Variants in NFYA observed in about 807,000 individuals in gnomAD.
NFYA encodes the protein nuclear transcription factor Y subunit alpha.
NFYA carries 28 observed loss-of-function variants against 52.8 expected under a neutral mutation model. That is an observed-to-expected ratio of 0.53 (90% CI 0.39 to 0.73). The LOEUF (loss-of-function observed/expected upper bound fraction) is 0.73. Among genes scored for constraint, NFYA ranks in the 30% least tolerant of loss-of-function variants. NFYA has a pLI of 0.00. For synonymous variants in NFYA, 150 were observed against 150.7 expected (o/e 1.00, Z 0.03); for missense variants, 234 against 427.0 (o/e 0.55, Z 3.98).
intron 3 of NFYA, among the ~76,000 whole-genome samples, chr6:41,083,483 G>GTA (rs59501357): frequency 0.032 from 4,941 of 152,216 alleles, 201 homozygotes; most frequent in East Asian, 0.11. Flanking sequence ...CAGGATAAAG[G>GTA]TATACATTTG....
intron 1 of NFYA, chr6:41,075,389 A>G (rs1037679982): frequency 2.6e-5 from 4 of 152,352 alleles, no homozygotes; most frequent in Non-Finnish European, 5.9e-5. Context: ...AAAAATAGGT[A>G]TGTTCTGGTC....
chr6:41,090,267 G>T lies in NFYA; in HGVS notation c.505G>T (p.Val169Phe). The change falls in exon 6 of 10, where the codon GTC (valine) becomes TTC (phenylalanine). Residue 169 changes from valine (V) to phenylalanine (F), a missense_variant. By Grantham distance (50) the Val-to-Phe change is conservative. Transcript: ENST00000341376. ...ACAGACTGCTGAAGGGCAGACCATC[G>T]TCTATCAACCAGTTAATGCAGATGG... is the stretch of plus-strand genomic sequence containing the variant. The part of the protein sequence containing the change: ...VAQTAEGQTI[V>F]YQPVNADGTI... 6.2e-7 allele frequency: 1 copy of T among 1,613,926 alleles called. No individual in the cohort carries two copies. The highest frequency in any genetic ancestry group is 8.5e-7 in the Non-Finnish European group (1 of 1,179,884).
At chr6:41,080,217 G>A (rs939635533) in intron 2 of NFYA, among the ~76,000 whole-genome samples, 3 of 152,090 alleles carry the variant, frequency 2.0e-5, no homozygotes, top group African/African-American at 4.8e-5. Context: ...TGGAGGCTGA[G>A]ACAGGAAGGT....
intron 5 of NFYA, 61 bp from the exon 6 acceptor site, chr6:41,090,143 C>A: frequency 2.6e-6 from 3 of 1,150,788 alleles, no homozygotes; most frequent in South Asian, 1.3e-5. Flanking sequence ...TTAAGGACTA[C>A]ATCGTTCTTT....
In NFYA at chr6:41,101,310, G is replaced by A. The variant is rs752549164; in HGVS notation, c.*3900G>A. On this transcript the variant is annotated 3_prime_UTR_variant, in exon 10 of 10. Coordinates refer to ENST00000341376, the MANE Select transcript of NFYA (RefSeq NM_002505.5). ...GCGAGCTAAGGCACAGTTTAACTTC[G>A]TGCTGCGGCTTCCTTAGGAAACTTT... is the stretch of plus-strand genomic sequence containing the variant. 6.6e-6 allele frequency: 1 copy of A among 152,242 alleles called. No homozygotes were observed. Among genetic ancestry groups the A allele is most frequent in the Non-Finnish European group, 1.5e-5 (1 of 68,064 alleles). The allele number at this position is 152,242 out of a possible 1,614,324, so 9.4% of individuals were successfully genotyped here.
Position 41,100,434 on chromosome 6 carries a change from C to T in NFYA, c.*3024C>T, listed in dbSNP as rs1764467934. Among the ~76,000 whole-genome samples, 1 of 152,160 alleles carries T rather than the reference C, an allele frequency of 6.6e-6. No homozygotes were observed. The highest frequency in any genetic ancestry group is 1.5e-5 in the Non-Finnish European group (1 of 68,032). On this transcript the variant is annotated 3_prime_UTR_variant, in exon 10 of 10. Transcript: ENST00000341376. ...CCTTGTTACTGTTTTACCTTACGGT[C>T]GCTGGGAATCTAAGCAACAAAGACT...
chr6:41,089,365 G>A (rs1369882137), intron 4 of NFYA, among the ~76,000 whole-genome samples: 1 of 152,142 alleles, frequency 6.6e-6, no homozygotes, highest in Non-Finnish European at 1.5e-5. Context: ...ACATTGATTT[G>A]TTAATATCAG....
chr6:41,096,632 T>G (rs973450246), intron 9 of NFYA, among the ~76,000 whole-genome samples: 1 of 152,230 alleles, frequency 6.6e-6, no homozygotes, highest in Non-Finnish European at 1.5e-5. Flanking sequence ...CTTTCAGCTT[T>G]TTCTCAGATC....
intron 2 of NFYA, among the ~76,000 whole-genome samples, chr6:41,079,705 A>C (rs1298705812): frequency 6.6e-6 from 1 of 152,182 alleles, no homozygotes; most frequent in Non-Finnish European, 1.5e-5. Context: ...GAATTTATAC[A>C]CAGGTTACAT....
intron 7 of NFYA, 149 bp downstream of exon 7, chr6:41,091,843 A>C: frequency 1.2e-6 from 1 of 866,044 alleles, no homozygotes; most frequent in Non-Finnish European, 1.7e-6. Flanking sequence ...ACATTATGAC[A>C]AACCATAATT....
At chr6:41,075,308 C>A (rs1036847838) in intron 1 of NFYA, 3 of 152,234 alleles carry the variant, frequency 2.0e-5, no homozygotes, top group South Asian at 2.1e-4. Context: ...TCTTGTTCTC[C>A]CAAAACGTTG....
At chr6:41,093,668 A>G (rs1457711286) in intron 8 of NFYA, among the ~76,000 whole-genome samples, 2 of 152,122 alleles carry the variant, frequency 1.3e-5, no homozygotes, top group South Asian at 2.1e-4. Flanking sequence ...ACGGGGTTTC[A>G]CCATGTTGGC....
rs1466633750 is a variant in NFYA at position 41,098,421 on chromosome 6, CAT to C, written c.*1013_*1014del. 1 of 152,112 alleles carries C rather than the reference CAT, an allele frequency of 6.6e-6. No individual in the cohort carries two copies. The highest frequency in any genetic ancestry group is 1.5e-5 in the Non-Finnish European group (1 of 68,048). 9.4% of individuals were successfully genotyped at this position (152,112 alleles called of 1,614,324 possible). On this transcript the variant is annotated 3_prime_UTR_variant, in exon 10 of 10. Coordinates refer to ENST00000341376, the MANE Select transcript of NFYA (RefSeq NM_002505.5). ...GAGAGCATGTATACCCGTATGTTAT[CAT>C]AGAGCACGATTCTCCAGTGGATGGA...
At chr6:41,077,176 G>T (rs1489065198) in intron 1 of NFYA, among the ~76,000 whole-genome samples, 2 of 152,124 alleles carry the variant, frequency 1.3e-5, no homozygotes, top group African/African-American at 4.8e-5. Flanking sequence ...TTGGGGAGGC[G>T]TTGAAACCTA....
In NFYA at chr6:41,084,118, G is replaced by T; in HGVS notation, c.235G>T (p.Val79Phe). The T allele has an allele frequency of 6.2e-7, 1 of 1,614,142 alleles. No individual in the cohort carries two copies. The highest frequency in any genetic ancestry group is 8.5e-7 in the Non-Finnish European group (1 of 1,180,018). Residue 79 changes from valine (V) to phenylalanine (F), a missense_variant, in exon 4 of 10, where the codon GTC becomes TTC. This residue lies in a region of NFYA where 118 missense variants were observed against 182.4 expected (regional missense o/e 0.65). Transcript: ENST00000341376. ...LITSTGQPIM[V>F]QAVPGGQGQT... ...CACATCAACTGGCCAACCCATCATG[G>T]TCCAGGCTGTCCCTGGTGGACAAGG...
chr6:41,079,086 G>T lies in NFYA; in HGVS notation c.-4G>T. On this transcript the variant is annotated 5_prime_UTR_variant, in exon 2 of 10. Transcript: ENST00000341376. The stretch of plus-strand genomic sequence containing the variant: ...AGTGGACAGGAATCTCACTTGGAGG[G>T]ACCATGGAGCAGTATACAGCAAACA... 6.2e-7 allele frequency: 1 copy of T among 1,614,000 alleles called. No homozygotes were observed. Among genetic ancestry groups the T allele is most frequent in the Non-Finnish European group, 8.5e-7 (1 of 1,179,878 alleles).
At chr6:41,076,160 C>A (rs1763727939) in intron 1 of NFYA, among the ~76,000 whole-genome samples, 1 of 152,138 alleles carries the variant, frequency 6.6e-6, no homozygotes, top group Admixed American at 6.5e-5. Context: ...GTAATCCCAG[C>A]ACTTTGGGAA....
At chr6:41,093,595 T>C (rs1764257078) in intron 8 of NFYA, among the ~76,000 whole-genome samples, 1 of 152,042 alleles carries the variant, frequency 6.6e-6, no homozygotes, top group African/African-American at 2.4e-5. Context: ...CTCAGCCTCC[T>C]GAGTAGCTGG....
rs953256821 is a variant in NFYA at position 41,100,364 on chromosome 6, A to C, written c.*2954A>C. Among the ~76,000 whole-genome samples the C allele has an allele frequency of 6.6e-6, 1 of 152,210 alleles. No homozygotes were observed. Among genetic ancestry groups the C allele is most frequent in the Non-Finnish European group, 1.5e-5 (1 of 68,036 alleles). The stretch of plus-strand genomic sequence containing the variant: ...TAGATTTTGTTTTGGCAGAAGACCA[A>C]AACAAAAGTACTTTTCTGATTGTTA... On this transcript the variant is annotated 3_prime_UTR_variant, in exon 10 of 10. Transcript: ENST00000341376.
Sources: gnomAD v4.1 joint callset for allele counts (sites outside exome capture counted in the v4.1 genomes callset) on GRCh38, gnomAD v4.1.1 for gene constraint, gnomAD v4.1.1 regional missense constraint, MANE v1.5 for transcripts, NCBI Gene and HGNC (gene_info 2026-07-23, HGNC 2026-07-21) for gene names.